AGBL4: variants seen among roughly 807,000 people sequenced by gnomAD.
AGBL4 encodes cytosolic carboxypeptidase 6.
In AGBL4, 58 loss-of-function variants were observed where a neutral mutation model predicts 66.4. That is an observed-to-expected ratio of 0.87 (90% CI 0.71 to 1.09). AGBL4 has a LOEUF of 1.09. Among genes scored for constraint, AGBL4 ranks in the 50% least tolerant of loss-of-function variants. The pLI is 0.00. For synonymous variants in AGBL4, 234 were observed against 222.9 expected (o/e 1.05, Z -0.44); for missense variants, 579 against 631.0 (o/e 0.92, Z 0.88).
At chr1:49,512,093 C>T (rs1341711334) in intron 3 of AGBL4, among the ~76,000 whole-genome samples, 2 of 151,758 alleles carry the variant, frequency 1.3e-5, no homozygotes, top group South Asian at 2.1e-4. Flanking sequence ...TTATTCTATT[C>T]GAGAAGTGTC....
intron 4 of AGBL4, among the ~76,000 whole-genome samples, chr1:49,205,615 A>G (rs1038297313): frequency 1.3e-5 from 2 of 152,064 alleles, no homozygotes; most frequent in African/African-American, 4.8e-5. Context: ...TACAAGCCCC[A>G]GTTCCAGCAT....
At chr1:49,259,195 C>CA (rs1652858297) in intron 3 of AGBL4, among the ~76,000 whole-genome samples, 1 of 152,024 alleles carries the variant, frequency 6.6e-6, no homozygotes, top group East Asian at 1.9e-4. Context: ...CCAGCCACTG[C>CA]AAAATCATGC....
intron 10 of AGBL4, 60 bp from the exon 11 acceptor site, chr1:48,587,226 G>T: frequency 6.7e-7 from 1 of 1,495,476 alleles, no homozygotes; most frequent in Non-Finnish European, 9.0e-7. Flanking sequence ...TGGATTGTGG[G>T]CAAATTTTAC....
intron 11 of AGBL4, among the ~76,000 whole-genome samples, chr1:48,559,057 A>G (rs1436349845): frequency 3.3e-5 from 5 of 152,338 alleles, no homozygotes; most frequent in South Asian, 4.1e-4. Flanking sequence ...ATACCGGGAT[A>G]GGGTCATAGA....
chr1:49,679,468 T>G (rs970523890), intron 3 of AGBL4, among the ~76,000 whole-genome samples: 2 of 152,170 alleles, frequency 1.3e-5, no homozygotes, highest in Non-Finnish European at 2.9e-5. Context: ...AATACATTTA[T>G]TGTAGAAAGT....
At chr1:49,844,891 A>G in intron 2 of AGBL4, 1 of 1,409,752 alleles carries the variant, frequency 7.1e-7, no homozygotes, top group Non-Finnish European at 1.0e-6. Context: ...GATGCCTTTG[A>G]AGATGCCTGT....
At chr1:48,763,667 G>A (rs374287664) in intron 6 of AGBL4, among the ~76,000 whole-genome samples, 7 of 152,264 alleles carry the variant, frequency 4.6e-5, no homozygotes, top group East Asian at 1.9e-4. Flanking sequence ...GCCTTCCTGC[G>A]CTGAAACTCT....
At chr1:49,649,014 T>A (rs1165856456) in intron 3 of AGBL4, among the ~76,000 whole-genome samples, 3 of 152,108 alleles carry the variant, frequency 2.0e-5, no homozygotes, top group Non-Finnish European at 4.4e-5. Context: ...TGCATGCATA[T>A]CAAATTACAC....
At chr1:49,039,952 C>A (rs1314461002) in intron 5 of AGBL4, among the ~76,000 whole-genome samples, 4 of 152,006 alleles carry the variant, frequency 2.6e-5, no homozygotes, top group African/African-American at 9.7e-5. Context: ...TTCATAATAG[C>A]ACCAAAAGCA....
intron 3 of AGBL4, among the ~76,000 whole-genome samples, chr1:49,637,319 G>T (rs1192921934): frequency 1.3e-5 from 2 of 150,934 alleles, no homozygotes; most frequent in African/African-American, 2.4e-5. Flanking sequence ...TATTTTTTTT[G>T]AGATGGAGTC....
At chr1:49,264,879 A>G (rs1653573786) in intron 3 of AGBL4, among the ~76,000 whole-genome samples, 1 of 151,906 alleles carries the variant, frequency 6.6e-6, no homozygotes, top group Non-Finnish European at 1.5e-5. Flanking sequence ...GTTTCATGAT[A>G]TTTTTCAATT....
At chr1:48,713,381 T>C (rs1646997725) in intron 6 of AGBL4, among the ~76,000 whole-genome samples, 2 of 152,170 alleles carry the variant, frequency 1.3e-5, no homozygotes, top group Admixed American at 6.5e-5. Context: ...AGGAGGACTA[T>C]GAAGCAATGC....
At chr1:48,857,969 A>G (rs1351765528) in intron 6 of AGBL4, among the ~76,000 whole-genome samples, 1 of 152,194 alleles carries the variant, frequency 6.6e-6, no homozygotes, top group Non-Finnish European at 1.5e-5. Context: ...AACCTCTTAA[A>G]TGCAATAAAA....
At chr1:48,717,826 T>A (rs1209898956) in intron 6 of AGBL4, among the ~76,000 whole-genome samples, 1 of 152,224 alleles carries the variant, frequency 6.6e-6, no homozygotes, top group African/African-American at 2.4e-5. Flanking sequence ...TCTCCCTTTT[T>A]AGCTGTGTGA....
At chr1:49,713,363 T>C (rs1471708315) in intron 2 of AGBL4, among the ~76,000 whole-genome samples, 11 of 152,218 alleles carry the variant, frequency 7.2e-5, no homozygotes, top group African/African-American at 2.6e-4. Context: ...GCACCTTTTC[T>C]CATGTTAACA....
At chr1:49,214,943 G>A (rs1013548006) in intron 4 of AGBL4, among the ~76,000 whole-genome samples, 7 of 152,096 alleles carry the variant, frequency 4.6e-5, no homozygotes, top group African/African-American at 1.7e-4. Context: ...TCATTTGTCT[G>A]AAGTTGTCAG....
rs533244306 is a variant in AGBL4, at chr1:49,917,485, G to A, written c.35-65967C>T. ...ACCAACAAAGATCAAAAGAGACAAA[G>A]AAGGCCATTACATAATGGTAAAGGG... On this transcript the variant is annotated intron_variant, in intron 1 of 13. Transcript: ENST00000371839. Among the ~76,000 whole-genome samples, 325 of 152,216 alleles carry A rather than the reference G, an allele frequency of 2.1e-3. 2 individuals are homozygous for A. Among genetic ancestry groups the A allele is most frequent in the Non-Finnish European group, 3.1e-3 (212 of 68,006 alleles).
At chr1:49,471,016 T>C (rs1646732421) in intron 3 of AGBL4, among the ~76,000 whole-genome samples, 2 of 152,072 alleles carry the variant, frequency 1.3e-5, no homozygotes, top group South Asian at 4.1e-4. Context: ...TTTTAGCTTT[T>C]ATAGATGCTC....
intron 3 of AGBL4, among the ~76,000 whole-genome samples, chr1:49,277,236 T>C (rs1043823063): frequency 1.3e-5 from 2 of 152,210 alleles, no homozygotes; most frequent in African/African-American, 4.8e-5. Flanking sequence ...TATTTTAATG[T>C]ACCATTTGAA....
Sources: allele counts gnomAD v4.1 joint callset (sites outside exome capture counted in the v4.1 genomes callset), GRCh38; gene constraint gnomAD v4.1.1; transcripts MANE v1.5; gene names NCBI Gene and HGNC (gene_info 2026-07-23, HGNC 2026-07-21).